TMTC2: variants seen among roughly 807,000 people sequenced by gnomAD.
The protein encoded by TMTC2 is transmembrane O-mannosyltransferase targeting cadherins 2, also known as protein O-mannosyl-transferase TMTC2.
A neutral mutation model predicts 82.4 loss-of-function variants in TMTC2; 43 were observed. The ratio of observed to expected loss-of-function variants is 0.52; its 90% confidence interval spans 0.41 to 0.67. TMTC2 has a LOEUF of 0.67. Ranked by LOEUF, TMTC2 falls within the 30% of genes least tolerant of loss-of-function variation. The pLI is 0.00. For missense variants in TMTC2, 919 were observed against 1,012.4 expected (o/e 0.91, Z 1.25); for synonymous variants, 408 against 381.9 (o/e 1.07, Z -0.80).
At chr12:83,027,090 C>T (rs1327941749) in intron 8 of TMTC2, among the ~76,000 whole-genome samples, 1 of 151,900 alleles carries the variant, frequency 6.6e-6, no homozygotes, top group African/African-American at 2.4e-5. Context: ...CAATACAGTC[C>T]GTTTTTCTTC....
chr12:83,060,045 C>A (rs1882684550), intron 10 of TMTC2, among the ~76,000 whole-genome samples: 1 of 151,486 alleles, frequency 6.6e-6, no homozygotes, highest in African/African-American at 2.4e-5. Flanking sequence ...GTGGAGGGAA[C>A]CTTTATTAAA....
chr12:82,976,896 G>A (rs1416170742), intron 7 of TMTC2, among the ~76,000 whole-genome samples: 28 of 152,000 alleles, frequency 1.8e-4, no homozygotes, highest in Non-Finnish European at 1.5e-5. Flanking sequence ...GTAAAAAAAT[G>A]TAACATCTAA....
rs117624399 is a variant in TMTC2 at position 82,974,280 on chromosome 12, G to A, written c.1948+7283G>A. On this transcript the variant is annotated intron_variant, in intron 7 of 11. Coordinates refer to ENST00000321196, the MANE Select transcript of TMTC2 (RefSeq NM_152588.3). The stretch of plus-strand genomic sequence containing the variant: ...AATAAATGAAAAAAAAGTATGTATT[G>A]TAATCTTTAATTGGGACAATACATG... Among the ~76,000 whole-genome samples, 778 of 152,246 alleles carry A rather than the reference G, an allele frequency of 5.1e-3. 5 individuals are homozygous for A. Among genetic ancestry groups the A allele is most frequent in the Middle Eastern group, 0.041 (12 of 294 alleles).
chr12:82,877,329 C>T (rs967383469), intron 2 of TMTC2, among the ~76,000 whole-genome samples: 1 of 152,180 alleles, frequency 6.6e-6, no homozygotes, highest in African/African-American at 2.4e-5. Context: ...CCTACAATTG[C>T]ATCCTTTCCA....
chr12:83,095,741 T>C (rs1036115591), intron 11 of TMTC2, among the ~76,000 whole-genome samples: 2 of 152,214 alleles, frequency 1.3e-5, no homozygotes, highest in African/African-American at 4.8e-5. Flanking sequence ...AACTGATTTA[T>C]ATTTAGTAAC....
At chr12:82,838,120 C>T (rs1490136250) in intron 1 of TMTC2, among the ~76,000 whole-genome samples, 1 of 152,198 alleles carries the variant, frequency 6.6e-6, no homozygotes, top group Non-Finnish European at 1.5e-5. Flanking sequence ...CCCTATCCTT[C>T]TTCTCCCCTC....
At chr12:83,052,149 A>T (rs946763618) in intron 10 of TMTC2, among the ~76,000 whole-genome samples, 1 of 152,116 alleles carries the variant, frequency 6.6e-6, no homozygotes, top group East Asian at 1.9e-4. Context: ...TTACAAGGAA[A>T]GAATAATAAC....
At chr12:82,707,971 G>A (rs536925500) in intron 1 of TMTC2, among the ~76,000 whole-genome samples, 11 of 152,292 alleles carry the variant, frequency 7.2e-5, no homozygotes, top group South Asian at 2.1e-4. Context: ...ATAGATATGC[G>A]TGCACAAGCA....
At chr12:83,062,338 A>G (rs1391379828) in intron 11 of TMTC2, among the ~76,000 whole-genome samples, 3 of 151,746 alleles carry the variant, frequency 2.0e-5, no homozygotes, top group Admixed American at 6.6e-5. Context: ...TCATGCTTCT[A>G]TAAAGTAAGA....
intron 7 of TMTC2, among the ~76,000 whole-genome samples, chr12:82,970,060 A>C (rs1040926734): frequency 2.0e-5 from 3 of 152,174 alleles, no homozygotes; most frequent in Non-Finnish European, 2.9e-5. Context: ...CCACTTGAGA[A>C]AACAGGTTAG....
intron 9 of TMTC2, among the ~76,000 whole-genome samples, chr12:83,036,640 T>C (rs1366199370): frequency 1.2e-4 from 18 of 152,196 alleles, no homozygotes; most frequent in Admixed American, 1.1e-3. Context: ...AGCCCAGCTC[T>C]TTCAACTTTT....
At chr12:82,756,024 G>A (rs181636369) in intron 1 of TMTC2, among the ~76,000 whole-genome samples, 167 of 152,194 alleles carry the variant, frequency 1.1e-3, no homozygotes, top group African/African-American at 4.0e-3. Flanking sequence ...AAAATAAGTT[G>A]AAGGAACATT....
intron 9 of TMTC2, among the ~76,000 whole-genome samples, chr12:83,049,668 G>A (rs181159009): frequency 2.6e-5 from 4 of 152,196 alleles, no homozygotes; most frequent in Middle Eastern, 3.4e-3. Flanking sequence ...ATTATTTCGC[G>A]TATGTACACA....
chr12:82,802,966 G>T (rs984981489), intron 1 of TMTC2, among the ~76,000 whole-genome samples: 1 of 152,098 alleles, frequency 6.6e-6, no homozygotes, highest in African/African-American at 2.4e-5. Context: ...AATGAAAGTC[G>T]GAATGTAGAG....
Position 82,813,853 on chromosome 12 carries a change from G to T in TMTC2, c.84-43157G>T, listed in dbSNP as rs567684559. ...GAGCTCCTGTGTGCCAGATATTCTA[G>T]TAGGTGCTGGTAGAAAGTGGTAATC... On this transcript the variant is annotated intron_variant, in intron 1 of 11. Transcript: ENST00000321196. 2.0e-5 allele frequency among the ~76,000 whole-genome samples: 3 copies of T among 152,210 alleles called. 1 individual carries two copies. The highest frequency in any genetic ancestry group is 7.2e-5 in the African/African-American group (3 of 41,564).
At chr12:82,830,011 T>G (rs1869662425) in intron 1 of TMTC2, among the ~76,000 whole-genome samples, 1 of 152,178 alleles carries the variant, frequency 6.6e-6, no homozygotes, top group African/African-American at 2.4e-5. Flanking sequence ...AATCCTGAAC[T>G]ATGTAGAGAA....
rs112297402 is a variant in TMTC2, at chr12:82,850,778, A to G, written c.84-6232A>G. Reference sequence around the variant, plus strand: ...ATGCTATAAACATGATGAAAATAACACAGTGGGCAGGGCACAGTGGCTCAC... The same window carrying G: ...ATGCTATAAACATGATGAAAATAACGCAGTGGGCAGGGCACAGTGGCTCAC... On this transcript the variant is annotated intron_variant, in intron 1 of 11. Transcript: ENST00000321196. Among the ~76,000 whole-genome samples, 521 of 151,732 alleles carry G rather than the reference A, an allele frequency of 3.4e-3. 10 individuals are homozygous for G. The highest frequency in any genetic ancestry group is 0.012 in the African/African-American group (502 of 41,006).
chr12:82,904,192 C>T (rs2137196637), intron 3 of TMTC2, among the ~76,000 whole-genome samples: 1 of 152,232 alleles, frequency 6.6e-6, no homozygotes, highest in Non-Finnish European at 1.5e-5. Context: ...ATTAGAAACC[C>T]TATAAAGCCA....
intron 11 of TMTC2, among the ~76,000 whole-genome samples, chr12:83,125,708 A>G (rs2137567513): frequency 6.6e-6 from 1 of 152,318 alleles, no homozygotes; most frequent in East Asian, 1.9e-4. Context: ...TCTGCATTCA[A>G]ACAGTTTTAG....
Sources: gnomAD v4.1 joint callset for allele counts (sites outside exome capture counted in the v4.1 genomes callset) on GRCh38, gnomAD v4.1.1 for gene constraint, MANE v1.5 for transcripts, NCBI Gene and HGNC (gene_info 2026-07-23, HGNC 2026-07-21) for gene names.